The following DRC10 variants were observed in gnomAD, a reference collection of about 807,000 sequenced individuals.
DRC10 encodes IQ domain-containing protein D.
the DRC10 span, among the ~76,000 whole-genome samples, chr12:113,218,853 TATC>T: frequency 6.6e-6 from 1 of 152,220 alleles, no homozygotes; most frequent in Non-Finnish European, 1.5e-5. Context: ...TCTAAGGAAA[TATC>T]ATGAGTTATT....
the DRC10 span, among the ~76,000 whole-genome samples, chr12:113,212,566 TGGAAA>T: frequency 6.6e-6 from 1 of 152,242 alleles, no homozygotes; most frequent in Non-Finnish European, 1.5e-5. Context: ...AGAGTGCGGC[TGGAAA>T]CGCAACGTTA....
At chr12:113,218,048 A>G in the DRC10 span, among the ~76,000 whole-genome samples, 1 of 152,298 alleles carries the variant, frequency 6.6e-6, no homozygotes, top group South Asian at 2.1e-4. Flanking sequence ...TAATATTGCT[A>G]AATATCCTAC....
At chr12:113,210,596 T>C in the DRC10 span, among the ~76,000 whole-genome samples, 3 of 144,800 alleles carry the variant, frequency 2.1e-5, no homozygotes, top group Admixed American at 6.9e-5. Flanking sequence ...TCCCCATCTC[T>C]TAAAAAAGAA....
chr12:113,220,428 ATTTTCAGTAGAGAT>A, the DRC10 span, among the ~76,000 whole-genome samples: 2 of 151,358 alleles, frequency 1.3e-5, no homozygotes, highest in African/African-American at 4.9e-5. Context: ...TAATTTTTGT[ATTTTCAGTAGAGAT>A]GGGGTTTCAC....
chr12:113,205,757 CG>C, the DRC10 span, among the ~76,000 whole-genome samples: 3 of 149,814 alleles, frequency 2.0e-5, no homozygotes, highest in African/African-American at 7.4e-5. Context: ...GGCGCGGTGG[CG>C]GGCGCCTGTA....
At chr12:113,197,513 C>T in the DRC10 span, 60 of 1,459,414 alleles carry the variant, frequency 4.1e-5, no homozygotes, top group African/African-American at 1.7e-4. Flanking sequence ...GAAAAGCATG[C>T]GAGAGAGACT....
At chr12:113,205,222 ATT>A in the DRC10 span, among the ~76,000 whole-genome samples, 14 of 148,432 alleles carry the variant, frequency 9.4e-5, no homozygotes, top group Non-Finnish European at 7.5e-5. Flanking sequence ...GAGTAAATGA[ATT>A]TTTTTTTAAA....
At chr12:113,195,515 C>T in the DRC10 span, 6 of 1,504,058 alleles carry the variant, frequency 4.0e-6, no homozygotes, top group African/African-American at 4.2e-5. Flanking sequence ...CTCTCCATCT[C>T]GGGCCTTCCT....
the DRC10 span, chr12:113,200,422 T>C: frequency 1.4e-6 from 1 of 732,142 alleles, no homozygotes; most frequent in Non-Finnish European, 2.4e-6. Context: ...GGGCCTTCCC[T>C]GCTCCTGTGC....
At chr12:113,207,368 A>T in the DRC10 span, 1 of 1,297,606 alleles carries the variant, frequency 7.7e-7, no homozygotes, top group Non-Finnish European at 1.1e-6. Context: ...TCAATCATTG[A>T]GGAAAAACCC....
At chr12:113,207,921 C>G in the DRC10 span, 2 of 1,614,248 alleles carry the variant, frequency 1.2e-6, no homozygotes, top group Non-Finnish European at 1.7e-6. Context: ...CCTCCCCCAG[C>G]ATCCCCTCCA....
the DRC10 span, chr12:113,197,717 G>T: frequency 5.2e-4 from 380 of 728,438 alleles, 1 homozygote; most frequent in East Asian, 7.1e-3. Flanking sequence ...GACATGCCTC[G>T]CCTATTGAAC....
At chr12:113,199,882 CTAATT>C in the DRC10 span, among the ~76,000 whole-genome samples, 1 of 152,064 alleles carries the variant, frequency 6.6e-6, no homozygotes, top group Non-Finnish European at 1.5e-5. Context: ...CAGCGCCTGA[CTAATT>C]TATCTTTTAT....
chr12:113,219,359 G>T, the DRC10 span, among the ~76,000 whole-genome samples: 1 of 152,170 alleles, frequency 6.6e-6, no homozygotes, highest in African/African-American at 2.4e-5. Context: ...TTAAGAAACT[G>T]CCAACTATAT....
chr12:113,200,682 T>C, the DRC10 span: 1 of 1,536,208 alleles, frequency 6.5e-7, no homozygotes, highest in Non-Finnish European at 8.7e-7. Flanking sequence ...CCCTGGCCTG[T>C]GATGCCCGGA....
the DRC10 span, chr12:113,195,877 C>T: frequency 6.2e-7 from 1 of 1,605,876 alleles, no homozygotes; most frequent in Non-Finnish European, 8.5e-7. Flanking sequence ...GCGTCCAGAT[C>T]CTCCAACTCC....
At chr12:113,217,318 C>T in the DRC10 span, among the ~76,000 whole-genome samples, 1 of 151,104 alleles carries the variant, frequency 6.6e-6, no homozygotes, top group Non-Finnish European at 1.5e-5. Context: ...ACTAATCACA[C>T]GTGTAATTTT....
the DRC10 span, chr12:113,207,768 G>A: frequency 6.2e-7 from 1 of 1,614,112 alleles, no homozygotes; most frequent in Non-Finnish European, 8.5e-7. Flanking sequence ...GCAGCTCTAT[G>A]GAAAGGAGGC....
the DRC10 span, among the ~76,000 whole-genome samples, chr12:113,216,886 G>A: frequency 5.3e-5 from 8 of 152,136 alleles, no homozygotes; most frequent in African/African-American, 1.2e-4. Context: ...TCAAGAGTTC[G>A]AGACCAAGCC....
Sources: gnomAD v4.1 joint callset for allele counts (sites outside exome capture counted in the v4.1 genomes callset) on GRCh38, gnomAD v4.1.1 for gene constraint, MANE v1.5 for transcripts, NCBI Gene and HGNC (gene_info 2026-07-23, HGNC 2026-07-21) for gene names.